TTLL7: variants seen among roughly 807,000 people sequenced by gnomAD.
TTLL7 encodes tubulin polyglutamylase TTLL7.
TTLL7 carries 53 observed loss-of-function variants against 120.2 expected under a neutral mutation model. The observed-to-expected ratio is 0.44, with a 90% CI of 0.35 to 0.55. The LOEUF (loss-of-function observed/expected upper bound fraction) is 0.55. Among genes scored for constraint, TTLL7 ranks in the 20% least tolerant of loss-of-function variants. The pLI is 0.00. For synonymous variants in TTLL7, 353 were observed against 351.7 expected (o/e 1.00, Z -0.04); for missense variants, 803 against 1,054.7 (o/e 0.76, Z 3.31).
chr1:83,968,549 G>GA (rs1022362825), intron 1 of TTLL7, among the ~76,000 whole-genome samples: 3 of 151,914 alleles, frequency 2.0e-5, no homozygotes, highest in African/African-American at 7.2e-5. Context: ...AAGCATAATA[G>GA]AAAAAAATAT....
At chr1:83,977,204 C>T (rs910456646) in intron 1 of TTLL7, among the ~76,000 whole-genome samples, 1 of 151,690 alleles carries the variant, frequency 6.6e-6, no homozygotes, top group Non-Finnish European at 1.5e-5. Context: ...AGTATGTAAA[C>T]AATATATAAA....
At chr1:83,957,277 A>T (rs1649613271) in intron 1 of TTLL7, among the ~76,000 whole-genome samples, 1 of 152,206 alleles carries the variant, frequency 6.6e-6, no homozygotes, top group Non-Finnish European at 1.5e-5. Context: ...GACCTTCTCC[A>T]GCAACCCTCA....
At chr1:83,897,728 T>C (rs1213960655) in intron 18 of TTLL7, among the ~76,000 whole-genome samples, 6 of 151,960 alleles carry the variant, frequency 3.9e-5, no homozygotes, top group Non-Finnish European at 7.4e-5. Flanking sequence ...TTCTCAGAGA[T>C]CCACTAAAGT....
intron 10 of TTLL7, among the ~76,000 whole-genome samples, chr1:83,927,793 A>C (rs1659257715): frequency 6.6e-6 from 1 of 152,194 alleles, no homozygotes; most frequent in African/African-American, 2.4e-5. Context: ...AATTCTATTT[A>C]ATAAATAGAC....
At chr1:83,951,725 A>T (rs940425335) in intron 3 of TTLL7, 120 bp downstream of exon 3, 1 of 1,129,644 alleles carries the variant, frequency 8.9e-7, no homozygotes, top group African/African-American at 1.6e-5. Flanking sequence ...TATAGAAGGC[A>T]TTTAAAAATC....
intron 1 of TTLL7, among the ~76,000 whole-genome samples, chr1:83,977,614 T>G (rs1571367375): frequency 6.6e-6 from 1 of 152,154 alleles, no homozygotes; most frequent in East Asian, 1.9e-4. Flanking sequence ...AGAGACAGGC[T>G]GCAGCATCCA....
In TTLL7 at chr1:83,868,868, A is replaced by C. The variant is rs1653103439; in HGVS notation, c.*1094T>G. On this transcript the variant is annotated 3_prime_UTR_variant, in exon 21 of 21. Coordinates refer to ENST00000260505, the MANE Select transcript of TTLL7 (RefSeq NM_024686.6). ...TCTGTTCCTTTATGTGATTATGAAA[A>C]GTAAAAATGAAAGCTAGTTTACATT... 1 of 152,080 alleles carries C rather than the reference A, an allele frequency of 6.6e-6. No individual in the cohort carries two copies. The allele number at this position is 152,080 out of a possible 1,614,324, so 9.4% of individuals were successfully genotyped here. A position where few individuals can be genotyped will look rare whatever the true frequency, so the allele number is the denominator to read the frequency against.
rs149666553 is a variant in TTLL7, at chr1:83,925,224, C to T, written c.1143-3830G>A. ...TCAAATTTTCCAGTTAACATTGTCT[C>T]AAAGCATCCCAAAATTAGCATGTTT... On this transcript the variant is annotated intron_variant, in intron 10 of 20. Coordinates refer to ENST00000260505, the MANE Select transcript of TTLL7 (RefSeq NM_024686.6). 2.4e-3 allele frequency among the ~76,000 whole-genome samples: 364 copies of T among 152,280 alleles called. 3 individuals carry two copies. The highest frequency in any genetic ancestry group is 8.5e-3 in the African/African-American group (354 of 41,566).
intron 20 of TTLL7, among the ~76,000 whole-genome samples, chr1:83,875,545 C>T (rs1182057574): frequency 6.6e-6 from 1 of 151,788 alleles, no homozygotes; most frequent in Non-Finnish European, 1.5e-5. Context: ...TGAGAATTTA[C>T]AGGGAGAGTA....
intron 6 of TTLL7, among the ~76,000 whole-genome samples, chr1:83,945,282 A>G (rs1159181697): frequency 1.3e-5 from 2 of 152,230 alleles, no homozygotes; most frequent in African/African-American, 4.8e-5. Context: ...CAAAGACTCA[A>G]ATAGATTCAA....
At position 83,926,173 on chromosome 1, in the gene TTLL7, T is replaced by C. The variant is rs185969983; in HGVS notation, c.1142+2963A>G. Among the ~76,000 whole-genome samples the C allele has an allele frequency of 2.4e-3, 365 of 151,410 alleles. 2 individuals carry two copies. Among genetic ancestry groups the C allele is most frequent in the Admixed American group, 4.9e-3 (74 of 15,180 alleles). ...GTGATTAGGTTTAACCTTTGTGGGT[T>C]GGAGGTATTTGATATTGTTAGCAGA... is the stretch of plus-strand genomic sequence containing the variant. On this transcript the variant is annotated intron_variant, in intron 10 of 20. Coordinates refer to ENST00000260505, the MANE Select transcript of TTLL7 (RefSeq NM_024686.6).
At chr1:83,904,261 C>A in intron 17 of TTLL7, 102 bp from the exon 18 acceptor site, 1 of 799,078 alleles carries the variant, frequency 1.3e-6, no homozygotes, top group Non-Finnish European at 2.0e-6. Flanking sequence ...ACAAATAATG[C>A]CAACTTTCAT....
rs1570981875 is a variant in TTLL7, at chr1:83,866,325, T to C, written c.*3637A>G. 6.6e-6 allele frequency: 1 copy of C among 151,996 alleles called. No individual in the cohort carries two copies. Among genetic ancestry groups the C allele is most frequent in the East Asian group, 1.9e-4 (1 of 5,184 alleles). The allele number at this position is 151,996 out of a possible 1,614,324, so 9.4% of individuals were successfully genotyped here. A position where few individuals can be genotyped will look rare whatever the true frequency, so the allele number is the denominator to read the frequency against. On this transcript the variant is annotated 3_prime_UTR_variant, in exon 21 of 21. Transcript: ENST00000260505. ...TCTAAAGAAATTTTTTAACTATTAG[T>C]ACTTTGACATGCTAAAGAAGAACGT... is the stretch of plus-strand genomic sequence containing the variant.
chr1:83,977,648 G>C (rs909918727), intron 1 of TTLL7, among the ~76,000 whole-genome samples: 2 of 151,986 alleles, frequency 1.3e-5, no homozygotes, highest in Non-Finnish European at 2.9e-5. Context: ...GTCCAAAGTA[G>C]GTAAAGAATT....
chr1:83,994,598 A>G (rs1653315971), intron 1 of TTLL7, among the ~76,000 whole-genome samples: 2 of 152,216 alleles, frequency 1.3e-5, no homozygotes, highest in Admixed American at 6.5e-5. Context: ...GAATGCTGAG[A>G]AGAGATGTTG....
intron 1 of TTLL7, among the ~76,000 whole-genome samples, chr1:83,991,559 G>A (rs1170336369): frequency 2.0e-5 from 3 of 152,034 alleles, no homozygotes; most frequent in Non-Finnish European, 1.5e-5. Context: ...TGGGAGGATC[G>A]CTTGAGCCCA....
In TTLL7 at chr1:83,993,541, T is replaced by A. The variant is rs375772932; in HGVS notation, c.-177+5390A>T. The stretch of plus-strand genomic sequence containing the variant: ...GCAGAAAGACAAAAATAACACCAAG[T>A]TAGAAAGCTCAGGTGCTACAGCACA... On this transcript the variant is annotated intron_variant, in intron 1 of 20. Transcript: ENST00000260505. Among the ~76,000 whole-genome samples, 105 of 152,150 alleles carry A rather than the reference T, an allele frequency of 6.9e-4. No homozygotes were observed. The South Asian group carries it at 9.8e-3, about 14-fold the overall frequency.
At chr1:83,907,379 G>T in intron 16 of TTLL7, 77 bp downstream of exon 16, 1 of 1,305,988 alleles carries the variant, frequency 7.7e-7, no homozygotes, top group Non-Finnish European at 1.1e-6. Context: ...GGTTCAGTCT[G>T]TCCTCCTCTC....
chr1:83,924,609 T>C (rs1658960392), intron 10 of TTLL7, among the ~76,000 whole-genome samples: 1 of 152,140 alleles, frequency 6.6e-6, no homozygotes, highest in Non-Finnish European at 1.5e-5. Context: ...GTACACAGTT[T>C]CACTTTTGCA....
Sources: allele counts gnomAD v4.1 joint callset (sites outside exome capture counted in the v4.1 genomes callset), GRCh38; gene constraint gnomAD v4.1.1; transcripts MANE v1.5; gene names NCBI Gene and HGNC (gene_info 2026-07-23, HGNC 2026-07-21).